Variants in CLASP1 observed in about 807,000 individuals in gnomAD.
The protein encoded by CLASP1 is cytoplasmic linker associated protein 1, also known as CLIP-associating protein 1.
CLASP1 carries 38 observed loss-of-function variants against 192.3 expected under a neutral mutation model. That is an observed-to-expected ratio of 0.20 (90% CI 0.15 to 0.26). The LOEUF (loss-of-function observed/expected upper bound fraction) is 0.26. Ranked by LOEUF, CLASP1 falls within the 10% of genes least tolerant of loss-of-function variation. CLASP1 has a pLI of 1.00. For synonymous variants in CLASP1, 691 were observed against 712.8 expected, an observed-to-expected ratio of 0.97 and a Z score of 0.49; for missense variants, 1,433 against 1,932.5, an observed-to-expected ratio of 0.74 and a Z score of 4.85.
chr2:121,508,640 G>A (rs1234715965), intron 7 of CLASP1, among the ~76,000 whole-genome samples: 1 of 152,050 alleles, frequency 6.6e-6, no homozygotes, highest in Non-Finnish European at 1.5e-5. Context: ...TAAAAGATGG[G>A]GTTTCACTAG....
chr2:121,351,512 C>A (rs1246363524), intron 37 of CLASP1, among the ~76,000 whole-genome samples: 4 of 152,192 alleles, frequency 2.6e-5, no homozygotes, highest in Non-Finnish European at 5.9e-5. Context: ...GAGAATATGT[C>A]CCACTTAAAG....
chr2:121,378,057 A>G (rs2070692105), intron 33 of CLASP1, among the ~76,000 whole-genome samples: 1 of 152,242 alleles, frequency 6.6e-6, no homozygotes, highest in Non-Finnish European at 1.5e-5. Context: ...TTGGAAATAA[A>G]GCTAGTACTA....
At position 121,447,500 on chromosome 2, in the gene CLASP1, T is replaced by C. The variant is rs1370718137; in HGVS notation, c.1749A>G (p.Thr583=). The change falls in exon 19 of 40, where the codon ACA becomes ACG. Residue 583 remains threonine (T), a synonymous_variant. Transcript: ENST00000263710. ...TCGTTGACACAGATTTGGTACTAAC[T>C]GTAGAAGCTTTAGTGATAAAGGAGG... is the stretch of plus-strand genomic sequence containing the variant. The C allele has an allele frequency of 2.6e-6, 4 of 1,552,334 alleles. No homozygotes were observed. The South Asian group carries it at 3.6e-5, about 14-fold the overall frequency.
chr2:121,355,667 C>G (rs1019842887), intron 37 of CLASP1, among the ~76,000 whole-genome samples: 2 of 152,098 alleles, frequency 1.3e-5, no homozygotes, highest in Non-Finnish European at 2.9e-5. Flanking sequence ...AGGTTTTGCC[C>G]CTGTGTTCTA....
chr2:121,490,078 AG>A (rs1190805240), intron 8 of CLASP1, among the ~76,000 whole-genome samples: 2 of 152,210 alleles, frequency 1.3e-5, no homozygotes, highest in Admixed American at 6.5e-5. Flanking sequence ...TAGTCTTAGA[AG>A]GTTAACATTG....
At chr2:121,488,034 C>G (rs1172601558) in intron 8 of CLASP1, among the ~76,000 whole-genome samples, 1 of 152,104 alleles carries the variant, frequency 6.6e-6, no homozygotes, top group Non-Finnish European at 1.5e-5. Flanking sequence ...ATTTTTTCAA[C>G]CACTTCCTTA....
intron 5 of CLASP1, 71 bp from the exon 6 acceptor site, chr2:121,525,991 A>C (rs1575662501): frequency 9.1e-7 from 1 of 1,102,130 alleles, no homozygotes; most frequent in South Asian, 1.3e-5. Context: ...GTCTGCCCAC[A>C]CCTGCCCTTC....
intron 20 of CLASP1, among the ~76,000 whole-genome samples, chr2:121,429,730 T>C (rs1247398976): frequency 6.6e-6 from 1 of 152,126 alleles, no homozygotes; most frequent in Non-Finnish European, 1.5e-5. Context: ...CCACGTACTG[T>C]TCTAAAATTA....
intron 1 of CLASP1, among the ~76,000 whole-genome samples, chr2:121,635,302 C>T (rs1411679973): frequency 2.0e-5 from 3 of 151,948 alleles, no homozygotes; most frequent in Non-Finnish European, 4.4e-5. Flanking sequence ...ACTGTGTTTA[C>T]TCTGGCCTCT....
chr2:121,407,379 T>C, intron 25 of CLASP1, 92 bp downstream of exon 26: 1 of 1,388,742 alleles, frequency 7.2e-7, no homozygotes, highest in Non-Finnish European at 9.8e-7. Context: ...TTATAGGAAT[T>C]AGACTCCATT....
intron 32 of CLASP1, among the ~76,000 whole-genome samples, chr2:121,383,962 TA>T (rs541517904): frequency 2.7e-4 from 38 of 139,636 alleles, no homozygotes; most frequent in South Asian, 6.8e-4. Flanking sequence ...ACTGGGTTGA[TA>T]AAAAAAAAAT....
At chr2:121,452,633 A>C (rs1416868067) in intron 14 of CLASP1, among the ~76,000 whole-genome samples, 4 of 152,114 alleles carry the variant, frequency 2.6e-5, no homozygotes, top group African/African-American at 9.7e-5. Context: ...TCTACTAAAA[A>C]TACAAAAATT....
At chr2:121,405,166 A>C (rs2076727547) in intron 25 of CLASP1, among the ~76,000 whole-genome samples, 1 of 152,060 alleles carries the variant, frequency 6.6e-6, no homozygotes, top group South Asian at 2.1e-4. Context: ...AAAATTAGCC[A>C]GGCATGGTGG....
chr2:121,445,048 T>C, intron 19 of CLASP1: 2 of 825,932 alleles, frequency 2.4e-6, no homozygotes, highest in Non-Finnish European at 3.6e-6. Context: ...TGTTATTAGC[T>C]ACTAAAAAAG....
chr2:121,363,025 T>C, intron 37 of CLASP1, 147 bp downstream of exon 38: 1 of 959,214 alleles, frequency 1.0e-6, no homozygotes, highest in Non-Finnish European at 1.5e-6. Context: ...ACGACAGCAA[T>C]GGGGACTCCA....
chr2:121,399,546 T>C (rs1449747933), intron 28 of CLASP1, among the ~76,000 whole-genome samples: 1 of 152,184 alleles, frequency 6.6e-6, no homozygotes, highest in African/African-American at 2.4e-5. Flanking sequence ...GTCTATAAAC[T>C]GAGAAGCAAT....
intron 23 of CLASP1, among the ~76,000 whole-genome samples, chr2:121,411,179 G>T (rs1431784014): frequency 1.3e-5 from 2 of 152,208 alleles, no homozygotes; most frequent in Admixed American, 1.3e-4. Flanking sequence ...ACTCGAAATT[G>T]TTCAAACATG....
In CLASP1 at chr2:121,517,985, T is replaced by A. The variant is rs150640591; in HGVS notation, c.547-2223A>T. ...GCGAGTTTAAGTTCAGGAGTTCGAG[T>A]TCAGGCAAGTTCAAGTTCAGGCGAG... On this transcript the variant is annotated intron_variant, in intron 6 of 39. Coordinates refer to ENST00000263710, the Ensembl canonical transcript of CLASP1. Among the ~76,000 whole-genome samples the A allele has an allele frequency of 3.5e-3, 497 of 143,572 alleles. 5 individuals are homozygous for A. Among genetic ancestry groups the A allele is most frequent in the East Asian group, 0.032 (149 of 4,730 alleles). 94.2% of individuals were successfully genotyped at this position (143,572 alleles called of 152,430 possible). A position where few individuals can be genotyped will look rare whatever the true frequency, so the allele number is the denominator to read the frequency against.
rs1020030916 is a variant in CLASP1 at position 121,584,514 on chromosome 2, G to A, written c.195+21187C>T. ...TAAGCCTGGTTTTTAAGGAAAGGTG[G>A]AGAGGGAGGCTAAATGCCTCCAGAT... On this transcript the variant is annotated intron_variant, in intron 2 of 39. Coordinates refer to ENST00000263710, the Ensembl canonical transcript of CLASP1. 2.5e-4 allele frequency among the ~76,000 whole-genome samples: 38 copies of A among 152,146 alleles called. 1 individual carries two copies. Among genetic ancestry groups the A allele is most frequent in the Non-Finnish European group, 4.4e-5 (3 of 68,038 alleles).
Sources: allele counts gnomAD v4.1 joint callset (sites outside exome capture counted in the v4.1 genomes callset), GRCh38; gene constraint gnomAD v4.1.1; transcripts MANE v1.5; gene names NCBI Gene and HGNC (gene_info 2026-07-23, HGNC 2026-07-21).